Variants in TTC28 observed in about 807,000 individuals in gnomAD.
TTC28 encodes tetratricopeptide repeat domain 28.
A neutral mutation model predicts 198.0 loss-of-function variants in TTC28; 61 were observed. The ratio of observed to expected loss-of-function variants is 0.31; its 90% confidence interval spans 0.25 to 0.38. The LOEUF (loss-of-function observed/expected upper bound fraction) is 0.38. Among genes scored for constraint, TTC28 ranks in the 10% least tolerant of loss-of-function variants. TTC28 has a pLI of 1.00. For missense variants in TTC28, 2,678 were observed against 3,164.0 expected, an observed-to-expected ratio of 0.85 and a Z score of 3.69; for synonymous variants, 1,171 against 1,297.8, an observed-to-expected ratio of 0.90 and a Z score of 2.10.
At chr22:28,612,221 A>AAG (rs1485517440) in intron 2 of TTC28, among the ~76,000 whole-genome samples, 1 of 152,218 alleles carries the variant, frequency 6.6e-6, no homozygotes, top group Non-Finnish European at 1.5e-5. Flanking sequence ...AGATCAAGAG[A>AAG]GACAAAGAAG....
At chr22:28,337,663 A>C (rs995572401) in intron 2 of TTC28, among the ~76,000 whole-genome samples, 4 of 152,028 alleles carry the variant, frequency 2.6e-5, no homozygotes, top group South Asian at 2.1e-4. Flanking sequence ...GGATTGCAAC[A>C]CCTGCCTTTT....
intron 2 of TTC28, among the ~76,000 whole-genome samples, chr22:28,516,145 CAA>C (rs771403698): frequency 2.3e-4 from 23 of 99,742 alleles, no homozygotes; most frequent in Non-Finnish European, 3.4e-4. Flanking sequence ...AACTCCATCT[CAA>C]AAAAAAAAAA....
At chr22:28,264,594 T>G (rs1264005839) in intron 5 of TTC28, among the ~76,000 whole-genome samples, 1 of 152,130 alleles carries the variant, frequency 6.6e-6, no homozygotes, top group Non-Finnish European at 1.5e-5. Context: ...TATATAGATA[T>G]AAATATATGC....
In TTC28 at chr22:28,340,492, C is replaced by T. The variant is rs1387159391; in HGVS notation, c.382-33849G>A. 2.0e-5 allele frequency among the ~76,000 whole-genome samples: 3 copies of T among 149,698 alleles called. No homozygotes were observed. In the East Asian group the frequency reaches 5.9e-4, roughly 29 times the overall value. On this transcript the variant is annotated intron_variant, in intron 2 of 22. Transcript: ENST00000397906. Reference sequence around the variant, plus strand: ...AAAAAAAAAAAGAAAAGAAGAAGAACACCTAATATAAAAATCTTGGATAAG... The same window carrying T: ...AAAAAAAAAAAGAAAAGAAGAAGAATACCTAATATAAAAATCTTGGATAAG...
intron 5 of TTC28, among the ~76,000 whole-genome samples, chr22:28,257,779 T>TATAC (rs1931050344): frequency 8.3e-6 from 1 of 120,548 alleles, no homozygotes; most frequent in Non-Finnish European, 1.7e-5. Flanking sequence ...TATATATATA[T>TATAC]ATCTTCTACT....
intron 2 of TTC28, among the ~76,000 whole-genome samples, chr22:28,476,529 T>A (rs1042720628): frequency 6.6e-6 from 1 of 152,188 alleles, no homozygotes; most frequent in Non-Finnish European, 1.5e-5. Context: ...ATTGCCAAAC[T>A]ATTCTTAAAA....
chr22:28,328,439 T>C (rs968190481), intron 2 of TTC28, among the ~76,000 whole-genome samples: 5 of 151,856 alleles, frequency 3.3e-5, no homozygotes, highest in Admixed American at 2.0e-4. Context: ...AGACCCTGTT[T>C]CTTTAAAAAA....
intron 2 of TTC28, among the ~76,000 whole-genome samples, chr22:28,429,841 T>C (rs563851428): frequency 3.7e-4 from 57 of 152,222 alleles, no homozygotes; most frequent in Non-Finnish European, 6.3e-4. Context: ...CTAAAGGCCA[T>C]CTAAATTTTA....
At position 28,281,193 on chromosome 22, in the gene TTC28, ATC is replaced by A. The variant is rs1187909835; in HGVS notation, c.933+15003_933+15004del. ...TACTAACACTCTCTTTTGCATCATT[ATC>A]TCTGTTTATCTTTCCGTAACATGTA... On this transcript the variant is annotated intron_variant, in intron 5 of 22. Coordinates refer to ENST00000397906, the MANE Select transcript of TTC28 (RefSeq NM_001145418.2). Among the ~76,000 whole-genome samples the A allele has an allele frequency of 8.5e-5, 13 of 152,222 alleles. 1 individual carries two copies. Among genetic ancestry groups the A allele is most frequent in the African/African-American group, 2.9e-4 (12 of 41,554 alleles).
chr22:28,637,473 CT>C (rs2051294554), intron 1 of TTC28, among the ~76,000 whole-genome samples: 1 of 152,088 alleles, frequency 6.6e-6, no homozygotes, highest in South Asian at 2.1e-4. Context: ...ACTGCTATAA[CT>C]ATGTTTTATG....
chr22:28,652,371 G>A (rs750755885), intron 1 of TTC28, among the ~76,000 whole-genome samples: 4 of 152,182 alleles, frequency 2.6e-5, no homozygotes, highest in Admixed American at 6.5e-5. Context: ...AGCTTATGCT[G>A]GTTAATCAAT....
At chr22:28,317,431 G>A (rs1447479714) in intron 2 of TTC28, among the ~76,000 whole-genome samples, 5 of 152,176 alleles carry the variant, frequency 3.3e-5, no homozygotes, top group Non-Finnish European at 7.3e-5. Context: ...TACCTAGTTA[G>A]ATTCAGGCGA....
intron 16 of TTC28, 52 bp from the exon 17 acceptor site, chr22:27,996,311 C>CCCA: frequency 6.5e-7 from 1 of 1,532,692 alleles, no homozygotes; most frequent in Non-Finnish European, 8.8e-7. Flanking sequence ...GACCCCCAGC[C>CCCA]CCACCCCGGC....
intron 2 of TTC28, among the ~76,000 whole-genome samples, chr22:28,313,430 T>C (rs529679660): frequency 4.1e-4 from 63 of 152,298 alleles, no homozygotes; most frequent in African/African-American, 1.4e-3. Context: ...TTCAGACCAA[T>C]ATCCCTGATG....
At chr22:28,226,527 C>T (rs971847419) in intron 5 of TTC28, among the ~76,000 whole-genome samples, 2 of 151,854 alleles carry the variant, frequency 1.3e-5, no homozygotes, top group African/African-American at 4.8e-5. Flanking sequence ...CCCAGGTTCA[C>T]GTAATTCTCC....
rs1938278225 is a variant in TTC28, at chr22:28,014,346, T to C, written c.4120A>G (p.Thr1374Ala). 6.4e-7 allele frequency: 1 copy of C among 1,551,288 alleles called. No individual in the cohort carries two copies. The highest frequency in any genetic ancestry group is 1.4e-5 in the African/African-American group (1 of 72,936). Residue 1374 changes from threonine (T) to alanine (A), a missense_variant, in exon 14 of 23, where the codon ACC (threonine) becomes GCC (alanine). Thr to Ala is a moderately conservative substitution (Grantham distance 58, BLOSUM62 0). Transcript: ENST00000397906. ...GGAAGAGAGGAGGTCCCGTCCTGGG[T>C]CGGTGACACAGTGTTACTGAACAGG... ...TSLFSNTVSP[T>A]QDGTSSLPRR...
intron 2 of TTC28, among the ~76,000 whole-genome samples, chr22:28,464,517 T>C (rs1411234216): frequency 6.6e-6 from 1 of 152,234 alleles, no homozygotes; most frequent in Non-Finnish European, 1.5e-5. Context: ...TCTTGATTTT[T>C]ATTTTTCAAT....
intron 12 of TTC28, among the ~76,000 whole-genome samples, chr22:28,074,180 A>G (rs1941092193): frequency 1.3e-5 from 2 of 152,224 alleles, no homozygotes; most frequent in Non-Finnish European, 2.9e-5. Context: ...TACACATTAA[A>G]TATCTTAAAT....
intron 9 of TTC28, 34 bp downstream of exon 9, chr22:28,101,137 C>CA (rs1383797629): frequency 1.3e-6 from 2 of 1,499,578 alleles, no homozygotes; most frequent in Non-Finnish European, 1.8e-6. Context: ...CTTCTGGAAA[C>CA]AAAAAATCCA....
Sources: allele counts gnomAD v4.1 joint callset (sites outside exome capture counted in the v4.1 genomes callset), GRCh38; gene constraint gnomAD v4.1.1; transcripts MANE v1.5; gene names NCBI Gene and HGNC (gene_info 2026-07-23, HGNC 2026-07-21).